SLC38A6: variants seen among roughly 807,000 people sequenced by gnomAD.
SLC38A6 encodes the protein solute carrier family 38 member 6, also known as N system amino acid transporter NAT-1.
SLC38A6 carries 73 observed loss-of-function variants against 65.0 expected under a neutral mutation model. The ratio of observed to expected loss-of-function variants is 1.12; its 90% confidence interval spans 0.93 to 1.37. The LOEUF (loss-of-function observed/expected upper bound fraction) is 1.37, where lower values mean the gene tolerates loss of function less well. SLC38A6 is among the 40% of genes most tolerant of loss of function. SLC38A6 has a pLI of 0.00. For missense variants in SLC38A6, 561 were observed against 531.1 expected (o/e 1.06, Z -0.55); for synonymous variants, 183 against 178.8 (o/e 1.02, Z -0.19).
intron 3 of SLC38A6, among the ~76,000 whole-genome samples, chr14:60,995,507 A>G (rs992581233): frequency 9.9e-5 from 15 of 152,216 alleles, no homozygotes; most frequent in African/African-American, 3.4e-4. Flanking sequence ...TGTAGAATGA[A>G]TAAGTCTACA....
At chr14:61,070,860 A>G (rs577713290) in intron 15 of SLC38A6, among the ~76,000 whole-genome samples, 2 of 152,082 alleles carry the variant, frequency 1.3e-5, no homozygotes, top group Admixed American at 6.5e-5. Context: ...CTTTGGGGAA[A>G]TTTCTTTCAT....
At chr14:61,025,149 T>C (rs1211239409) in intron 5 of SLC38A6, among the ~76,000 whole-genome samples, 2 of 152,172 alleles carry the variant, frequency 1.3e-5, no homozygotes, top group African/African-American at 4.8e-5. Flanking sequence ...TTTGGTAATC[T>C]ATGGACTCGG....
chr14:61,053,080 A>T (rs1431500670), downstream of SLC38A6: 3 of 152,002 alleles, frequency 2.0e-5, no homozygotes, highest in African/African-American at 7.3e-5. Flanking sequence ...CTTTGTGTTC[A>T]TAAGTTCTTA....
At chr14:61,008,462 A>T (rs1291048671) in intron 3 of SLC38A6, among the ~76,000 whole-genome samples, 2 of 152,150 alleles carry the variant, frequency 1.3e-5, no homozygotes, top group Non-Finnish European at 2.9e-5. Flanking sequence ...GAGAAGATTT[A>T]TTGGAACTAG....
Position 61,083,587 on chromosome 14 carries a change from A to T in SLC38A6, c.1441A>T (p.Lys481Ter). ...TACCATGGAGATGTGCACCCAGAGG[A>T]AAGGCCACGCAAGGACACAGCAAGA... The change falls in exon 17 of 17, where the codon AAA (lysine) becomes TAA (stop). Residue 481 changes from lysine (K) to a stop codon, truncating the protein, a stop_gained. Transcript: ENST00000354886. LOFTEE classifies it low-confidence loss of function (END_TRUNC). 6.4e-7 allele frequency: 1 copy of T among 1,550,558 alleles called. No individual in the cohort carries two copies. The highest frequency in any genetic ancestry group is 8.7e-7 in the Non-Finnish European group (1 of 1,146,978).
At chr14:61,037,588 C>A in intron 7 of SLC38A6, 37 bp from the exon 8 acceptor site, 1 of 1,457,644 alleles carries the variant, frequency 6.9e-7, no homozygotes. Flanking sequence ...AATCGCTTTC[C>A]TTATAAATTG....
At chr14:61,035,802 T>C (rs2041318076) in intron 6 of SLC38A6, among the ~76,000 whole-genome samples, 1 of 152,194 alleles carries the variant, frequency 6.6e-6, no homozygotes, top group African/African-American at 2.4e-5. Flanking sequence ...TCTATTGAGG[T>C]CTTGGGAATT....
rs578075113 is a variant in SLC38A6 at position 61,023,091 on chromosome 14, G to A, written c.403+3511G>A. 2.9e-4 allele frequency among the ~76,000 whole-genome samples: 44 copies of A among 152,272 alleles called. 1 individual carries two copies. Among genetic ancestry groups the A allele is most frequent in the African/African-American group, 1.0e-3 (43 of 41,558 alleles). On this transcript the variant is annotated intron_variant, in intron 5 of 15. Transcript: ENST00000267488. Reference sequence around the variant, plus strand: ...TAGTATTTGTTGAATGAATTGGACAGTTTTTAAAGTTCTGCTTAAAAGCCT... The same window carrying A: ...TAGTATTTGTTGAATGAATTGGACAATTTTTAAAGTTCTGCTTAAAAGCCT...
In SLC38A6 at chr14:61,078,313, A is replaced by G. The variant is rs17098002; in HGVS notation, c.1291-497A>G. On this transcript the variant is annotated intron_variant, in intron 15 of 16. Transcript: ENST00000354886. ...AAATTGAAGGATAACCAAAGTAGAAATGAGAATGAAAGGAAGATACTCCTG... is the reference window on the plus strand; with the variant it reads ...AAATTGAAGGATAACCAAAGTAGAAGTGAGAATGAAAGGAAGATACTCCTG... Among the ~76,000 whole-genome samples, 770 of 152,378 alleles carry G rather than the reference A, an allele frequency of 5.1e-3. 12 individuals carry two copies. The highest frequency in any genetic ancestry group is 0.017 in the African/African-American group (721 of 41,588).
At chr14:61,023,409 A>G (rs1380561358) in intron 5 of SLC38A6, among the ~76,000 whole-genome samples, 1 of 151,826 alleles carries the variant, frequency 6.6e-6, no homozygotes, top group Non-Finnish European at 1.5e-5. Flanking sequence ...AGTCTCTACT[A>G]AAAATACAAA....
chr14:60,981,643 C>A, intron 1 of SLC38A6: 6 of 1,442,218 alleles, frequency 4.2e-6, no homozygotes, highest in Non-Finnish European at 5.5e-6. Context: ...GTGGAAGCTG[C>A]GAACATGATG....
chr14:60,981,699 T>G (rs535771574), intron 1 of SLC38A6: 2 of 1,345,566 alleles, frequency 1.5e-6, no homozygotes, highest in African/African-American at 1.5e-5. Context: ...TTAGTTAGTA[T>G]TTTTGTCACC....
At chr14:61,081,917 A>G (rs2043667422) in intron 16 of SLC38A6, among the ~76,000 whole-genome samples, 1 of 152,170 alleles carries the variant, frequency 6.6e-6, no homozygotes, top group Non-Finnish European at 1.5e-5. Flanking sequence ...TAGGCTGTGT[A>G]GTACTACATT....
chr14:61,041,690 G>A (rs1305673074), intron 8 of SLC38A6, among the ~76,000 whole-genome samples: 1 of 152,172 alleles, frequency 6.6e-6, no homozygotes, highest in Non-Finnish European at 1.5e-5. Context: ...CTTGAGCCTA[G>A]GAGTTTGAGA....
At chr14:60,991,102 C>A (rs1594969344) in intron 3 of SLC38A6, among the ~76,000 whole-genome samples, 1 of 152,180 alleles carries the variant, frequency 6.6e-6, no homozygotes, top group Non-Finnish European at 1.5e-5. Context: ...TTACTTCCTG[C>A]AGTCTATTCT....
At chr14:61,028,398 G>C (rs2040731395) in intron 5 of SLC38A6, among the ~76,000 whole-genome samples, 1 of 152,004 alleles carries the variant, frequency 6.6e-6, no homozygotes, top group South Asian at 2.1e-4. Context: ...ATATATTTAA[G>C]TAAGTCTAGG....
chr14:61,050,416 A>G (rs1223179373), intron 12 of SLC38A6, 96 bp from the exon 13 acceptor site: 47 of 797,870 alleles, frequency 5.9e-5, no homozygotes, highest in Non-Finnish European at 8.0e-5. Context: ...ATGGGAATCT[A>G]AAATCTGTTA....
intron 15 of SLC38A6, among the ~76,000 whole-genome samples, chr14:61,067,944 A>G (rs1206519105): frequency 6.6e-6 from 1 of 152,152 alleles, no homozygotes; most frequent in African/African-American, 2.4e-5. Flanking sequence ...TAAATGAGAC[A>G]AGACTAACCA....
chr14:61,030,262 TCTG>T (rs1352192185), intron 5 of SLC38A6, among the ~76,000 whole-genome samples, 180 bp from the exon 6 acceptor site: 1 of 80,854 alleles, frequency 1.2e-5, no homozygotes, highest in Middle Eastern at 5.0e-3. Context: ...CAGTTACTTT[TCTG>T]TGTGTGTGTG....
Sources: gnomAD v4.1 joint callset for allele counts (sites outside exome capture counted in the v4.1 genomes callset) on GRCh38, gnomAD v4.1.1 for gene constraint, MANE v1.5 for transcripts, NCBI Gene and HGNC (gene_info 2026-07-23, HGNC 2026-07-21) for gene names.